MORC3: variants seen among roughly 807,000 people sequenced by gnomAD.
The protein encoded by MORC3 is MORC family CW-type zinc finger protein 3.
A neutral mutation model predicts 109.1 loss-of-function variants in MORC3; 31 were observed. The observed-to-expected ratio is 0.28, with a 90% CI of 0.21 to 0.38. MORC3 has a LOEUF of 0.38. Among genes scored for constraint, MORC3 ranks in the 10% least tolerant of loss-of-function variants. The pLI is 1.00. For synonymous variants in MORC3, 395 were observed against 380.7 expected, an observed-to-expected ratio of 1.04 and a Z score of -0.44; for missense variants, 867 against 1,135.8, an observed-to-expected ratio of 0.76 and a Z score of 3.40.
chr21:36,362,177 T>A lies in MORC3; in HGVS notation c.1407-6T>A, dbSNP rs990056637. On this transcript the variant is annotated splice_polypyrimidine_tract_variant and splice_region_variant and intron_variant, in intron 12 of 16. Transcript: ENST00000400485. ...TAACAACATGTTTTTCATCTTTATT[T>A]TAAAGCAACAAGGAAAAATTCAGGA... The A allele has an allele frequency of 7.4e-6, 12 of 1,612,870 alleles. No individual in the cohort carries two copies. Among genetic ancestry groups the A allele is most frequent in the Non-Finnish European group, 9.3e-6 (11 of 1,179,644 alleles).
chr21:36,337,069 A>G (rs1279838599), intron 3 of MORC3, 63 bp downstream of exon 3: 8 of 1,553,644 alleles, frequency 5.1e-6, no homozygotes, highest in African/African-American at 2.7e-5. Flanking sequence ...TTTCCATGCC[A>G]TACTTACTAT....
At chr21:36,322,708 C>T (rs536893630) in intron 1 of MORC3, among the ~76,000 whole-genome samples, 3 of 152,164 alleles carry the variant, frequency 2.0e-5, no homozygotes, top group African/African-American at 4.8e-5. Flanking sequence ...TTTAGGAGGT[C>T]GGAGATCCCA....
intron 12 of MORC3, chr21:36,361,565 AAAAG>A: frequency 6.9e-6 from 1 of 145,844 alleles, no homozygotes; most frequent in Non-Finnish European, 1.4e-5. Flanking sequence ...AAAAAAAAAA[AAAAG>A]GCAGGTGTGG....
At chr21:36,341,342 C>T in intron 5 of MORC3, 57 bp from the exon 6 acceptor site, 1 of 1,486,892 alleles carries the variant, frequency 6.7e-7, no homozygotes. Flanking sequence ...ACAGTGTTTG[C>T]TGGCTTATCT....
intron 9 of MORC3, among the ~76,000 whole-genome samples, chr21:36,354,070 C>CAAAAAA (rs578005759): frequency 6.8e-6 from 1 of 146,438 alleles, no homozygotes. Context: ...GACCCTGTCT[C>CAAAAAA]AAAAAAAAAG....
At chr21:36,353,724 G>A (rs894306742) in intron 9 of MORC3, among the ~76,000 whole-genome samples, 10 of 140,850 alleles carry the variant, frequency 7.1e-5, no homozygotes, top group African/African-American at 2.7e-4. Context: ...GGGATTACAG[G>A]CACCTGCCAC....
intron 1 of MORC3, among the ~76,000 whole-genome samples, chr21:36,322,915 C>G (rs1363807445): frequency 6.6e-6 from 1 of 151,876 alleles, no homozygotes; most frequent in Non-Finnish European, 1.5e-5. Flanking sequence ...GGTTGAATTA[C>G]TATATGGTTT....
Position 36,341,486 on chromosome 21 carries a change from G to C in MORC3, c.696G>C (p.Lys232Asn), listed in dbSNP as rs1422739782. 6.2e-7 allele frequency: 1 copy of C among 1,613,982 alleles called. No homozygotes were observed. The highest frequency in any genetic ancestry group is 8.5e-7 in the Non-Finnish European group (1 of 1,180,018). The change falls in exon 6 of 17, where the codon AAG becomes AAC. Residue 232 changes from lysine to asparagine, a missense_variant. Physicochemically the swap from Lys to Asn is moderately conservative, Grantham distance 94. Coordinates refer to ENST00000400485, the MANE Select transcript of MORC3 (RefSeq NM_015358.3). Reference sequence around the variant, plus strand: ...ATTTAGATGAGATAACAGGGAAGAAGGGGTACAAGAAGCAGGAAAGGATGG... The same window carrying C: ...ATTTAGATGAGATAACAGGGAAGAACGGGTACAAGAAGCAGGAAAGGATGG... ...PEDLDEITGK[K>N]GYKKQERMDQ...
rs539194926 is a variant in MORC3 at position 36,352,718 on chromosome 21, A to C, written c.1103+3310A>C. On this transcript the variant is annotated intron_variant, in intron 9 of 16. Coordinates refer to ENST00000400485, the MANE Select transcript of MORC3 (RefSeq NM_015358.3). ...TTAACCCTTGAACAGCGCAGTTATT[A>C]GGGGGACTGACTACCCCTCAGTCAA... Among the ~76,000 whole-genome samples, 7 of 152,294 alleles carry C rather than the reference A, an allele frequency of 4.6e-5. No homozygotes were observed. In the South Asian group the frequency reaches 1.2e-3, roughly 27 times the overall value.
rs2085424896 is a variant in MORC3 at position 36,340,164 on chromosome 21, G to C, written c.609-1235G>C. 3.3e-5 allele frequency among the ~76,000 whole-genome samples: 5 copies of C among 152,120 alleles called. No homozygotes were observed. In the South Asian group the frequency reaches 1.0e-3, roughly 32 times the overall value. ...GCGGTGGCGGGCGCCTGTAGTCCCA[G>C]CTACTAAGGAGGCTGAGGCAGGAGA... is the stretch of plus-strand genomic sequence containing the variant. On this transcript the variant is annotated intron_variant, in intron 5 of 16. Coordinates refer to ENST00000400485, the MANE Select transcript of MORC3 (RefSeq NM_015358.3).
At position 36,333,706 on chromosome 21, in the gene MORC3, G is replaced by A. The variant is rs770096569; in HGVS notation, c.100G>A (p.Ala34Thr). The part of the protein sequence containing the change: ...TSHTWPFSAV[A>T]ELIDNAYDPD... ...TCACACCTGGCCATTCAGTGCAGTT[G>A]CTGAATTAATAGGTATGTAGTTTGA... The change falls in exon 2 of 17, where the codon GCT (alanine) becomes ACT (threonine). Residue 34 changes from alanine to threonine, a missense_variant. Physicochemically the swap from Ala to Thr is moderately conservative, Grantham distance 58. This residue lies in a region of MORC3 where 53 missense variants were observed against 130.3 expected (regional missense o/e 0.41). Coordinates refer to ENST00000400485, the MANE Select transcript of MORC3 (RefSeq NM_015358.3). 2 of 1,609,320 alleles carry A rather than the reference G, an allele frequency of 1.2e-6. No individual in the cohort carries two copies. Among genetic ancestry groups the A allele is most frequent in the Non-Finnish European group, 1.7e-6 (2 of 1,176,710 alleles).
At chr21:36,353,704 C>T (rs1005567041) in intron 9 of MORC3, among the ~76,000 whole-genome samples, 1 of 149,358 alleles carries the variant, frequency 6.7e-6, no homozygotes, top group African/African-American at 2.5e-5. Flanking sequence ...TCTCAGCCTC[C>T]CAAGTAGCTG....
At chr21:36,355,377 A>G (rs149469831) in intron 9 of MORC3, among the ~76,000 whole-genome samples, 6 of 152,328 alleles carry the variant, frequency 3.9e-5, no homozygotes, top group Non-Finnish European at 8.8e-5. Context: ...CAAAGCATCA[A>G]TAGACCCAGT....
intron 6 of MORC3, among the ~76,000 whole-genome samples, chr21:36,343,883 T>C (rs150473540): frequency 2.6e-5 from 4 of 152,180 alleles, no homozygotes; most frequent in African/African-American, 4.8e-5. Flanking sequence ...TAGTAAATAG[T>C]AGTATTACTA....
chr21:36,331,486 T>C (rs1227350263), intron 1 of MORC3, among the ~76,000 whole-genome samples: 1 of 152,114 alleles, frequency 6.6e-6, no homozygotes, highest in Non-Finnish European at 1.5e-5. Flanking sequence ...TAGTCCCAGC[T>C]ACTCGGGAGG....
rs200722484 is a variant in MORC3, at chr21:36,369,174, C to T, written c.1806C>T (p.His602=). Residue 602 remains histidine, a synonymous_variant, in exon 15 of 17, where the codon CAC becomes CAT. Transcript: ENST00000400485. ...TTGACATGAAATCAGAACAGAGTCA[C>T]GTTGAGCAAGGTGGTGTTCAGGTTG... The part of the protein sequence containing the change: ...HDIDMKSEQS[H]VEQGGVQVEF... The T allele has an allele frequency of 1.2e-6, 2 of 1,614,120 alleles. No homozygotes were observed. The highest frequency in any genetic ancestry group is 2.2e-5 in the East Asian group (1 of 44,884).
intron 16 of MORC3, among the ~76,000 whole-genome samples, chr21:36,374,360 G>A (rs368104836): frequency 1.2e-4 from 19 of 152,004 alleles, no homozygotes; most frequent in African/African-American, 3.9e-4. Flanking sequence ...CAAAGTGCTG[G>A]GATTACAGGC....
At chr21:36,340,277 C>T (rs75543989) in intron 5 of MORC3, among the ~76,000 whole-genome samples, 64 of 90,212 alleles carry the variant, frequency 7.1e-4, no homozygotes, top group Non-Finnish European at 1.3e-3. Flanking sequence ...GACTCTGTCT[C>T]AAAAAAAAAA....
rs1164629206 is a variant in MORC3, at chr21:36,320,253, A to C, written c.-12A>C. ...CGGCGGAGGCCGTTCCTGGCTTTGTAGCTCGCTCAAGATGGCGGCGCAGCC... is the reference window on the plus strand; with the variant it reads ...CGGCGGAGGCCGTTCCTGGCTTTGTCGCTCGCTCAAGATGGCGGCGCAGCC... On this transcript the variant is annotated 5_prime_UTR_variant, in exon 1 of 17. Transcript: ENST00000400485. 10 of 1,577,250 alleles carry C rather than the reference A, an allele frequency of 6.3e-6. No homozygotes were observed. Among genetic ancestry groups the C allele is most frequent in the Non-Finnish European group, 8.6e-6 (10 of 1,163,046 alleles).
Sources: allele counts gnomAD v4.1 joint callset (sites outside exome capture counted in the v4.1 genomes callset), GRCh38; gene constraint gnomAD v4.1.1; regional missense constraint gnomAD v4.1.1; transcripts MANE v1.5; gene names NCBI Gene and HGNC (gene_info 2026-07-23, HGNC 2026-07-21).